The following RNFT2 variants were observed in gnomAD, a reference collection of about 807,000 sequenced individuals.
RNFT2 encodes E3 ubiquitin-protein ligase RNFT2.
A neutral mutation model predicts 53.0 loss-of-function variants in RNFT2; 36 were observed. The ratio of observed to expected loss-of-function variants is 0.68; its 90% CI spans 0.52 to 0.90. The LOEUF is 0.90. Ranked by LOEUF, RNFT2 falls within the 40% of genes least tolerant of loss-of-function variation. The probability of loss-of-function intolerance (pLI) is 0.00; values close to 1 mark genes in which losing one functional copy is unlikely to be tolerated. For synonymous variants in RNFT2, 260 were observed against 253.2 expected (o/e 1.03, Z -0.26); for missense variants, 514 against 585.6 (o/e 0.88, Z 1.26).
chr12:116,786,028 G>A (rs924360775), intron 7 of RNFT2, among the ~76,000 whole-genome samples: 19 of 151,960 alleles, frequency 1.3e-4, no homozygotes, highest in African/African-American at 4.1e-4. Context: ...CTCCAGCCTC[G>A]GCAATAGAGC....
chr12:116,813,111 A>G (rs547796933), intron 7 of RNFT2, among the ~76,000 whole-genome samples: 7 of 152,126 alleles, frequency 4.6e-5, no homozygotes, highest in Non-Finnish European at 8.8e-5. Flanking sequence ...ATGTGCCACC[A>G]TGCCTGGCTA....
intron 7 of RNFT2, among the ~76,000 whole-genome samples, chr12:116,813,865 G>C (rs1875507593): frequency 6.6e-6 from 1 of 152,180 alleles, no homozygotes; most frequent in African/African-American, 2.4e-5. Flanking sequence ...ATGGACCTTG[G>C]ATGAGTCAGT....
intron 10 of RNFT2, among the ~76,000 whole-genome samples, chr12:116,847,942 C>T (rs1019993837): frequency 3.3e-5 from 5 of 152,114 alleles, no homozygotes; most frequent in Non-Finnish European, 5.9e-5. Context: ...ACCTATCAAC[C>T]CATCACCTAG....
intron 10 of RNFT2, among the ~76,000 whole-genome samples, chr12:116,847,838 T>C (rs1291783470): frequency 1.3e-5 from 2 of 152,158 alleles, no homozygotes; most frequent in Non-Finnish European, 2.9e-5. Flanking sequence ...TCTCTCTTTT[T>C]TAAAAAATTT....
At chr12:116,779,469 CAG>C in intron 7 of RNFT2, 121 bp downstream of exon 7, 2 of 1,087,334 alleles carry the variant, frequency 1.8e-6, no homozygotes, top group Non-Finnish European at 2.6e-6. Context: ...ATAAAATAAA[CAG>C]AGCCTGAGCT....
intron 7 of RNFT2, among the ~76,000 whole-genome samples, chr12:116,799,599 G>A (rs973878060): frequency 1.3e-5 from 2 of 152,150 alleles, no homozygotes; most frequent in South Asian, 2.1e-4. Context: ...AACAGCGGTT[G>A]TGTGTATTAT....
At chr12:116,749,283 C>G (rs1006638184) in intron 3 of RNFT2, among the ~76,000 whole-genome samples, 10 of 40,210 alleles carry the variant, frequency 2.5e-4, no homozygotes, top group Non-Finnish European at 4.0e-4. Context: ...CCTCTTTCCC[C>G]CCCCACCACC....
At chr12:116,778,101 C>T (rs1873517057) in intron 6 of RNFT2, among the ~76,000 whole-genome samples, 1 of 152,148 alleles carries the variant, frequency 6.6e-6, no homozygotes, top group Admixed American at 6.6e-5. Context: ...TGCCTTTCCT[C>T]CCTCTCTTCC....
Position 116,750,144 on chromosome 12 carries a change from C to T in RNFT2, c.387C>T (p.His129=), listed in dbSNP as rs778129696. 7 of 1,584,496 alleles carry T rather than the reference C, an allele frequency of 4.4e-6. No homozygotes were observed. Among genetic ancestry groups the T allele is most frequent in the East Asian group, 2.3e-5 (1 of 43,994 alleles). Residue 129 remains histidine, a synonymous_variant, in exon 4 of 11, where the codon CAC becomes CAT. Transcript: ENST00000257575. ...GGHRGGSLLQ[H]VGGDHRGHSE... Reference sequence around the variant, plus strand: ...ACCGCGGGGGCTCCCTGCTGCAGCACGTGGGTGGGGACCACCGGGGGCACT... The same window carrying T: ...ACCGCGGGGGCTCCCTGCTGCAGCATGTGGGTGGGGACCACCGGGGGCACT...
intron 7 of RNFT2, among the ~76,000 whole-genome samples, chr12:116,785,249 C>CTGTGTGTGTGTGTGTG (rs56185708): frequency 0.032 from 4,426 of 139,092 alleles, 120 homozygotes; most frequent in African/African-American, 0.053. Context: ...TTACCTACTT[C>CTGTGTGTGTGTGTGTG]TGTGTGTGTG....
chr12:116,767,277 G>A (rs921885259), intron 6 of RNFT2, among the ~76,000 whole-genome samples: 8 of 151,948 alleles, frequency 5.3e-5, no homozygotes, highest in Non-Finnish European at 8.8e-5. Flanking sequence ...GCTGGCAGTG[G>A]TGTGATCATG....
chr12:116,849,716 C>T lies in RNFT2; in HGVS notation c.*268C>T. On this transcript the variant is annotated 3_prime_UTR_variant, in exon 11 of 11. Coordinates refer to ENST00000257575, the MANE Select transcript of RNFT2 (RefSeq NM_001382266.1). ...ATGCCCTTCTAGATGCATCTTCCTT[C>T]TCCACTCCAAGTCAAGGACCTGGCA... The T allele has an allele frequency of 8.2e-7, 1 of 1,212,776 alleles. No individual in the cohort carries two copies. Among genetic ancestry groups the T allele is most frequent in the Non-Finnish European group, 1.0e-6 (1 of 975,450 alleles). 75.1% of individuals were successfully genotyped at this position (1,212,776 alleles called of 1,614,324 possible).
chr12:116,754,614 C>T (rs529977174), intron 5 of RNFT2, among the ~76,000 whole-genome samples: 19 of 152,224 alleles, frequency 1.2e-4, no homozygotes, highest in African/African-American at 3.6e-4. Context: ...GCAGTGTAGA[C>T]GTGTTCCCTG....
At chr12:116,773,936 A>G (rs184027804) in intron 6 of RNFT2, among the ~76,000 whole-genome samples, 1 of 152,376 alleles carries the variant, frequency 6.6e-6, no homozygotes, top group Admixed American at 6.5e-5. Flanking sequence ...ACCCTGCGGT[A>G]TGTACATACA....
chr12:116,826,760 G>C (rs1375713735), intron 7 of RNFT2, among the ~76,000 whole-genome samples: 3 of 152,162 alleles, frequency 2.0e-5, no homozygotes, highest in Non-Finnish European at 4.4e-5. Context: ...AATAAGGATG[G>C]AATCTTCAGC....
At chr12:116,800,863 A>AAAATAAAATGAAATAAAAATAT (rs34964792) in intron 7 of RNFT2, among the ~76,000 whole-genome samples, 1 of 42,586 alleles carries the variant, frequency 2.3e-5, no homozygotes, top group African/African-American at 5.0e-5. Context: ...TAAAATAAAA[A>AAAATAAAATGAAATAAAAATAT]CCATTTAACA....
chr12:116,756,228 T>C (rs1189679284), intron 5 of RNFT2, among the ~76,000 whole-genome samples: 1 of 152,228 alleles, frequency 6.6e-6, no homozygotes, highest in East Asian at 1.9e-4. Flanking sequence ...GTTCGTGTCA[T>C]CTATGATTTC....
chr12:116,763,974 T>C (rs1352840751), intron 5 of RNFT2, among the ~76,000 whole-genome samples: 2 of 151,874 alleles, frequency 1.3e-5, no homozygotes, highest in Admixed American at 1.3e-4. Flanking sequence ...AACCAATGAG[T>C]GGGTAAAGAA....
At chr12:116,770,289 A>G (rs1046483369) in intron 6 of RNFT2, among the ~76,000 whole-genome samples, 5 of 152,126 alleles carry the variant, frequency 3.3e-5, no homozygotes, top group Non-Finnish European at 5.9e-5. Flanking sequence ...ATAATTGTCT[A>G]TAGTATTCAG....
Sources: gnomAD v4.1 joint callset for allele counts (sites outside exome capture counted in the v4.1 genomes callset) on GRCh38, gnomAD v4.1.1 for gene constraint, MANE v1.5 for transcripts, NCBI Gene and HGNC (gene_info 2026-07-23, HGNC 2026-07-21) for gene names.